SYNPR: variants seen among roughly 807,000 people sequenced by gnomAD.
SYNPR encodes synaptoporin.
Under a neutral mutation model 32.9 loss-of-function variants are expected in SYNPR, and 23 were observed. That is an observed-to-expected ratio of 0.70 (90% CI 0.50 to 0.99). The LOEUF is 0.99. Among genes scored for constraint, SYNPR ranks in the 50% least tolerant of loss-of-function variants. SYNPR has a pLI of 0.00. For missense variants in SYNPR, 318 were observed against 349.3 expected (o/e 0.91, Z 0.71); for synonymous variants, 146 against 135.9 (o/e 1.07, Z -0.52).
At chr3:63,420,155 C>G (rs1020798795) in intron 2 of SYNPR, among the ~76,000 whole-genome samples, 4 of 152,128 alleles carry the variant, frequency 2.6e-5, no homozygotes, top group Non-Finnish European at 5.9e-5. Flanking sequence ...CCCAATTAGT[C>G]TATAAATTCA....
At chr3:63,591,671 T>C (rs1357078089) in intron 4 of SYNPR, among the ~76,000 whole-genome samples, 7 of 132,830 alleles carry the variant, frequency 5.3e-5, no homozygotes, top group African/African-American at 1.4e-4. Context: ...ATGGATGAAA[T>C]TGGAAACCAT....
At chr3:63,476,609 A>G (rs1348573788) in intron 2 of SYNPR, among the ~76,000 whole-genome samples, 1 of 152,078 alleles carries the variant, frequency 6.6e-6, no homozygotes, top group African/African-American at 2.4e-5. Flanking sequence ...GCAAAAAAAC[A>G]TCATTCTTCC....
At chr3:63,311,005 T>TA (rs58383327) in intron 2 of SYNPR, among the ~76,000 whole-genome samples, 68,000 of 130,742 alleles carry the variant, frequency 0.52, 15,450 homozygotes, top group Middle Eastern at 0.57. Context: ...AGATGTCATT[T>TA]ATGTGGTATC....
intron 2 of SYNPR, among the ~76,000 whole-genome samples, chr3:63,323,545 T>C (rs111554395): frequency 2.3e-3 from 356 of 152,132 alleles, no homozygotes; most frequent in Non-Finnish European, 4.1e-3. Flanking sequence ...ACTCCCCAAA[T>C]AATTTTTTTT....
At chr3:63,264,064 G>A (rs992337291) in intron 2 of SYNPR, among the ~76,000 whole-genome samples, 2 of 152,092 alleles carry the variant, frequency 1.3e-5, no homozygotes, top group African/African-American at 4.8e-5. Flanking sequence ...TGTCATCTAA[G>A]GCCTAAGTCT....
At chr3:63,488,798 C>T (rs1701203527) in intron 3 of SYNPR, among the ~76,000 whole-genome samples, 2 of 152,160 alleles carry the variant, frequency 1.3e-5, no homozygotes, top group East Asian at 1.9e-4. Context: ...AAGAGAGGAG[C>T]TATCATTTGT....
intron 5 of SYNPR, among the ~76,000 whole-genome samples, chr3:63,611,348 A>C (rs1478225531): frequency 6.6e-6 from 1 of 152,214 alleles, no homozygotes; most frequent in Non-Finnish European, 1.5e-5. Flanking sequence ...TCCAGGAGAG[A>C]GCTCAAGCCA....
intron 2 of SYNPR, among the ~76,000 whole-genome samples, chr3:63,311,456 C>T (rs796073604): frequency 4.6e-5 from 7 of 152,150 alleles, no homozygotes; most frequent in African/African-American, 1.7e-4. Flanking sequence ...TGCCTCCCAT[C>T]AGATCAGCAG....
At chr3:63,243,374 A>G (rs1011570081) in intron 1 of SYNPR, among the ~76,000 whole-genome samples, 33 of 152,106 alleles carry the variant, frequency 2.2e-4, no homozygotes, top group Admixed American at 6.6e-4. Context: ...GACAAAAGAC[A>G]GAGTCAACAA....
intron 2 of SYNPR, among the ~76,000 whole-genome samples, chr3:63,381,115 A>C (rs1043742318): frequency 1.2e-4 from 18 of 152,140 alleles, no homozygotes; most frequent in African/African-American, 2.9e-4. Context: ...GTCAAATTGT[A>C]CCTGTTTGCA....
intron 3 of SYNPR, among the ~76,000 whole-genome samples, chr3:63,536,121 T>A (rs1008268036): frequency 5.3e-5 from 8 of 151,736 alleles, no homozygotes; most frequent in Non-Finnish European, 1.2e-4. Context: ...AAAATAAAAA[T>A]TTTAAAAATT....
At chr3:63,448,424 T>C (rs1456717612) in intron 2 of SYNPR, among the ~76,000 whole-genome samples, 3 of 152,344 alleles carry the variant, frequency 2.0e-5, no homozygotes, top group Middle Eastern at 6.8e-3. Flanking sequence ...TTTCAGAATA[T>C]ATGTGTCAAA....
chr3:63,245,143 C>T (rs1292117541), intron 1 of SYNPR, among the ~76,000 whole-genome samples: 1 of 152,016 alleles, frequency 6.6e-6, no homozygotes, highest in African/African-American at 2.4e-5. Flanking sequence ...TTATTTTTGA[C>T]CGTGTGAACT....
At chr3:63,511,817 A>G (rs930712352) in intron 3 of SYNPR, among the ~76,000 whole-genome samples, 5 of 152,056 alleles carry the variant, frequency 3.3e-5, no homozygotes, top group Non-Finnish European at 7.4e-5. Context: ...CTTTAATTAG[A>G]CCTTGGAGCC....
At chr3:63,256,494 C>G (rs2106895120) in intron 2 of SYNPR, among the ~76,000 whole-genome samples, 1 of 152,280 alleles carries the variant, frequency 6.6e-6, no homozygotes, top group African/African-American at 2.4e-5. Context: ...TCCAACAGAC[C>G]CGCAGCTGAG....
At chr3:63,595,644 G>A (rs1699920112) in intron 4 of SYNPR, among the ~76,000 whole-genome samples, 1 of 141,968 alleles carries the variant, frequency 7.0e-6, no homozygotes, top group South Asian at 2.2e-4. Flanking sequence ...AAGAAATGGT[G>A]CATATAGAGC....
chr3:63,234,586 G>A (rs750238055), intron 1 of SYNPR, among the ~76,000 whole-genome samples: 40 of 152,272 alleles, frequency 2.6e-4, no homozygotes, highest in Non-Finnish European at 3.2e-4. Flanking sequence ...AGAATTGTCC[G>A]TAGCAAATCT....
chr3:63,506,764 A>G lies in SYNPR; in HGVS notation c.209+25808A>G, dbSNP rs58058339. ...CAAATTTTCTCATTTTAACTGCAAAAGAGGAGGTATAATCTTAAAAGGATC... is the reference window on the plus strand; with the variant it reads ...CAAATTTTCTCATTTTAACTGCAAAGGAGGAGGTATAATCTTAAAAGGATC... On this transcript the variant is annotated intron_variant, in intron 3 of 5. Transcript: ENST00000478300. 1.3e-3 allele frequency among the ~76,000 whole-genome samples: 202 copies of G among 152,326 alleles called. 1 individual carries two copies. Among genetic ancestry groups the G allele is most frequent in the African/African-American group, 4.8e-3 (198 of 41,586 alleles).
At chr3:63,602,300 G>A (rs563791342) in intron 4 of SYNPR, among the ~76,000 whole-genome samples, 1 of 144,902 alleles carries the variant, frequency 6.9e-6, no homozygotes, top group African/African-American at 2.6e-5. Context: ...TAAGTTTTCT[G>A]TTTACTCTGT....
Sources: allele counts gnomAD v4.1 joint callset (sites outside exome capture counted in the v4.1 genomes callset), GRCh38; gene constraint gnomAD v4.1.1; transcripts MANE v1.5; gene names NCBI Gene and HGNC (gene_info 2026-07-23, HGNC 2026-07-21).